CNTN5: variants seen among roughly 807,000 people sequenced by gnomAD.
The protein encoded by CNTN5 is contactin-5.
A neutral mutation model predicts 129.1 loss-of-function variants in CNTN5; 77 were observed. The ratio of observed to expected loss-of-function variants is 0.60; its 90% CI spans 0.50 to 0.72. CNTN5 has a LOEUF of 0.72. Ranked by LOEUF, CNTN5 falls within the 30% of genes least tolerant of loss-of-function variation. The pLI, the probability that CNTN5 is intolerant of heterozygous loss-of-function variation, is 0.00. For missense variants in CNTN5, 1,478 were observed against 1,328.8 expected (o/e 1.11, Z -1.75); for synonymous variants, 509 against 465.6 (o/e 1.09, Z -1.20).
chr11:99,676,121 AT>A (rs1953272682), intron 3 of CNTN5, among the ~76,000 whole-genome samples: 1 of 152,050 alleles, frequency 6.6e-6, no homozygotes, highest in Non-Finnish European at 1.5e-5. Context: ...ATAGTTAATT[AT>A]TACTTGCTAT....
At chr11:99,276,056 A>G (rs1863412719) in intron 1 of CNTN5, among the ~76,000 whole-genome samples, 2 of 151,532 alleles carry the variant, frequency 1.3e-5, no homozygotes, top group Admixed American at 1.3e-4. Flanking sequence ...GAATCCTTTG[A>G]TCCCCTGGGG....
intron 2 of CNTN5, among the ~76,000 whole-genome samples, chr11:99,435,061 A>T (rs138594831): frequency 6.6e-6 from 1 of 152,194 alleles, no homozygotes; most frequent in East Asian, 1.9e-4. Flanking sequence ...ATGTATTGAT[A>T]TATAATTCTC....
chr11:99,630,406 T>A (rs1308361579), intron 3 of CNTN5, among the ~76,000 whole-genome samples: 2 of 152,028 alleles, frequency 1.3e-5, no homozygotes. Context: ...CTATGTTGAT[T>A]TCTTCTAATC....
intron 1 of CNTN5, among the ~76,000 whole-genome samples, chr11:99,239,573 A>G (rs920076599): frequency 1.3e-5 from 2 of 152,198 alleles, no homozygotes; most frequent in South Asian, 2.1e-4. Flanking sequence ...GAAAACACTC[A>G]TATCTTTCTG....
rs375346666 is a variant in CNTN5, at chr11:99,572,159, T to C, written c.55+15890T>C. ...CCATTTAGACTTATTTTCAGAGATG[T>C]AAAATAGGAATGTTCAATCCTTTGG... On this transcript the variant is annotated intron_variant, in intron 3 of 24. Transcript: ENST00000524871. 8.5e-5 allele frequency among the ~76,000 whole-genome samples: 13 copies of C among 152,258 alleles called. No individual in the cohort carries two copies. The East Asian group carries it at 2.1e-3, about 25-fold the overall frequency.
chr11:99,914,606 C>CA (rs1159555529), intron 6 of CNTN5, among the ~76,000 whole-genome samples: 1 of 152,066 alleles, frequency 6.6e-6, no homozygotes, highest in African/African-American at 2.4e-5. Context: ...TTTAAAGTAA[C>CA]AATCCCCCAG....
intron 1 of CNTN5, among the ~76,000 whole-genome samples, chr11:99,202,726 C>T (rs1395132208): frequency 1.3e-5 from 2 of 151,350 alleles, no homozygotes; most frequent in Non-Finnish European, 2.9e-5. Context: ...CACTGTATCT[C>T]AGTGACTGTA....
chr11:99,577,405 T>C lies in CNTN5; in HGVS notation c.55+21136T>C, dbSNP rs116595788. On this transcript the variant is annotated intron_variant, in intron 3 of 24. Coordinates refer to ENST00000524871, the MANE Select transcript of CNTN5 (RefSeq NM_014361.4). ...ATTGAGAGTACATGACTAGTGATTC[T>C]ACCAATGATTAATCTTAATGTTTAG... 6.4e-3 allele frequency among the ~76,000 whole-genome samples: 977 copies of C among 152,280 alleles called. 18 individuals are homozygous for C. The highest frequency in any genetic ancestry group is 0.022 in the African/African-American group (932 of 41,548).
chr11:100,304,548 C>T (rs1246757142), intron 20 of CNTN5, among the ~76,000 whole-genome samples: 8 of 151,436 alleles, frequency 5.3e-5, no homozygotes, highest in Non-Finnish European at 7.4e-5. Flanking sequence ...TGGGTGATGA[C>T]GGGGGTCTAG....
At chr11:99,532,512 T>C (rs1947749768) in intron 2 of CNTN5, among the ~76,000 whole-genome samples, 1 of 152,116 alleles carries the variant, frequency 6.6e-6, no homozygotes, top group South Asian at 2.1e-4. Flanking sequence ...CAGGGCAGAA[T>C]GATATGGGTT....
chr11:100,247,212 C>T (rs1020340943), intron 16 of CNTN5, among the ~76,000 whole-genome samples: 3 of 151,836 alleles, frequency 2.0e-5, no homozygotes, highest in Non-Finnish European at 4.4e-5. Flanking sequence ...AGTTTCATGC[C>T]GAGGAATCAG....
chr11:99,720,329 C>T (rs544005154), intron 3 of CNTN5, among the ~76,000 whole-genome samples: 1 of 152,018 alleles, frequency 6.6e-6, no homozygotes, highest in African/African-American at 2.4e-5. Context: ...AGTAGGCTTC[C>T]CCCTAGGATG....
chr11:100,178,098 G>A lies in CNTN5; in HGVS notation c.1581-13028G>A, dbSNP rs1948026773. On this transcript the variant is annotated intron_variant, in intron 13 of 24. Coordinates refer to ENST00000524871, the MANE Select transcript of CNTN5 (RefSeq NM_014361.4). ...TCTGGATCATGAACCCTTTATCAAT[G>A]CACTGTAGCAAAACCCTCAGCTCCA... Among the ~76,000 whole-genome samples, 2 of 152,024 alleles carry A rather than the reference G, an allele frequency of 1.3e-5. 1 individual carries two copies. The highest frequency in any genetic ancestry group is 4.1e-4 in the South Asian group (2 of 4,824).
chr11:99,929,581 C>T (rs1950144315), intron 7 of CNTN5, among the ~76,000 whole-genome samples: 1 of 152,192 alleles, frequency 6.6e-6, no homozygotes, highest in Admixed American at 6.5e-5. Context: ...ACATGTCCTT[C>T]TTCACATTAC....
intron 18 of CNTN5, among the ~76,000 whole-genome samples, chr11:100,289,163 C>T (rs375094935): frequency 1.3e-5 from 2 of 151,356 alleles, no homozygotes; most frequent in East Asian, 1.9e-4. Context: ...GATTCACAGC[C>T]GAATTCTACC....
intron 18 of CNTN5, among the ~76,000 whole-genome samples, chr11:100,275,139 C>T (rs954156460): frequency 6.6e-6 from 1 of 151,032 alleles, no homozygotes; most frequent in African/African-American, 2.4e-5. Flanking sequence ...GGAAAAGGTT[C>T]ATCCACAGAA....
chr11:99,759,297 G>A (rs995959081), intron 3 of CNTN5, among the ~76,000 whole-genome samples: 1 of 151,980 alleles, frequency 6.6e-6, no homozygotes, highest in Non-Finnish European at 1.5e-5. Context: ...ATGAAATTCA[G>A]GTGATAGATT....
At chr11:99,609,790 GAAAC>G (rs1180799783) in intron 3 of CNTN5, among the ~76,000 whole-genome samples, 2 of 152,092 alleles carry the variant, frequency 1.3e-5, no homozygotes, top group Non-Finnish European at 1.5e-5. Flanking sequence ...AACAGAAAAA[GAAAC>G]AATATTAGTG....
intron 3 of CNTN5, among the ~76,000 whole-genome samples, chr11:99,754,564 T>C (rs576626211): frequency 4.6e-5 from 7 of 152,346 alleles, no homozygotes; most frequent in African/African-American, 1.7e-4. Flanking sequence ...GTATAAGTTA[T>C]AAGGATCATA....
Sources: gnomAD v4.1 joint callset for allele counts (sites outside exome capture counted in the v4.1 genomes callset) on GRCh38, gnomAD v4.1.1 for gene constraint, MANE v1.5 for transcripts, NCBI Gene and HGNC (gene_info 2026-07-23, HGNC 2026-07-21) for gene names.